Variants in DLGAP2 observed in about 807,000 individuals in gnomAD.
The protein encoded by DLGAP2 is disks large-associated protein 2.
Under a neutral mutation model 100.3 loss-of-function variants are expected in DLGAP2, and 26 were observed. The observed-to-expected ratio is 0.26, with a 90% CI of 0.19 to 0.36. The LOEUF (loss-of-function observed/expected upper bound fraction) is 0.36. Ranked by LOEUF, DLGAP2 falls within the 10% of genes least tolerant of loss-of-function variation. DLGAP2 has a pLI of 1.00. For missense variants in DLGAP2, 1,858 were observed against 1,453.2 expected (o/e 1.28, Z -4.53); for synonymous variants, 886 against 630.1 (o/e 1.41, Z -6.08).
chr8:983,663 G>A (rs1800406193), intron 2 of DLGAP2, among the ~76,000 whole-genome samples: 1 of 152,134 alleles, frequency 6.6e-6, no homozygotes, highest in Non-Finnish European at 1.5e-5. Flanking sequence ...AAGTTTTTGG[G>A]ATAGGACCTT....
chr8:772,197 A>G (rs1821381544), intron 1 of DLGAP2, among the ~76,000 whole-genome samples: 1 of 151,842 alleles, frequency 6.6e-6, no homozygotes, highest in Non-Finnish European at 1.5e-5. Flanking sequence ...CACTGTGCCC[A>G]GCCTCATCTG....
At chr8:1,369,833 C>T (rs1316822829) in intron 3 of DLGAP2, 1 of 152,252 alleles carries the variant, frequency 6.6e-6, no homozygotes, top group Non-Finnish European at 1.5e-5. Flanking sequence ...CACGGATCCA[C>T]AGTAGAGACT....
chr8:1,690,651 C>T (rs1323038669), intron 12 of DLGAP2, among the ~76,000 whole-genome samples: 2 of 137,742 alleles, frequency 1.5e-5, no homozygotes, highest in African/African-American at 5.5e-5. Flanking sequence ...TTGCAGTGAG[C>T]CAGGATTGCG....
rs576447556 is a variant in DLGAP2, at chr8:1,234,547, C to G, written c.74-24304C>G. ...CAGCAACAATGACCCTATTTCTAAA[C>G]TAAGGTCACATTCTGAGGTCCTGCA... On this transcript the variant is annotated intron_variant, in intron 2 of 14. Transcript: ENST00000637795. Among the ~76,000 whole-genome samples the G allele has an allele frequency of 3.9e-5, 6 of 152,292 alleles. No individual in the cohort carries two copies. The South Asian group carries it at 8.3e-4, about 21-fold the overall frequency.
Position 1,701,407 on chromosome 8 carries a change from G to C in DLGAP2, c.*1G>C, listed in dbSNP as rs1165132043. The C allele has an allele frequency of 1.9e-6, 3 of 1,583,476 alleles. No homozygotes were observed. Among genetic ancestry groups the C allele is most frequent in the East Asian group, 2.3e-5 (1 of 43,274 alleles). On this transcript the variant is annotated 3_prime_UTR_variant, in exon 15 of 15. Coordinates refer to ENST00000637795, the MANE Select transcript of DLGAP2 (RefSeq NM_001346810.2). Reference sequence around the variant, plus strand: ...CCCCGAGGCCCAGACCCGGCTCTGAGGGCGGAGGCCGGCGCCTTCCCCTCG... The same window carrying C: ...CCCCGAGGCCCAGACCCGGCTCTGACGGCGGAGGCCGGCGCCTTCCCCTCG...
At chr8:1,067,528 G>A (rs1334138746) in intron 2 of DLGAP2, among the ~76,000 whole-genome samples, 3 of 152,062 alleles carry the variant, frequency 2.0e-5, no homozygotes, top group East Asian at 2.0e-4. Context: ...GGCTATGCCC[G>A]GCCCACGCAC....
At chr8:899,063 A>G (rs957901337) in intron 1 of DLGAP2, among the ~76,000 whole-genome samples, 4 of 152,236 alleles carry the variant, frequency 2.6e-5, no homozygotes, top group African/African-American at 9.6e-5. Context: ...ACTCATAGAT[A>G]ACAACCGTTG....
At chr8:847,235 A>T (rs552415107) in intron 1 of DLGAP2, among the ~76,000 whole-genome samples, 1 of 152,190 alleles carries the variant, frequency 6.6e-6, no homozygotes, top group East Asian at 1.9e-4. Flanking sequence ...GAACTTTTCC[A>T]TATTATCTTA....
chr8:1,681,479 TAATA>T (rs1798944168), intron 12 of DLGAP2, among the ~76,000 whole-genome samples: 1 of 151,244 alleles, frequency 6.6e-6, no homozygotes, highest in African/African-American at 2.4e-5. Context: ...CCAAAAAAAA[TAATA>T]ATAATAATAA....
At chr8:1,382,601 G>C (rs1796123057) in intron 3 of DLGAP2, among the ~76,000 whole-genome samples, 2 of 152,160 alleles carry the variant, frequency 1.3e-5, no homozygotes, top group Admixed American at 1.3e-4. Flanking sequence ...AAAATTAGCA[G>C]TGCAGTGGTG....
chr8:1,069,109 C>T lies in DLGAP2; in HGVS notation c.73+161143C>T, dbSNP rs184877512. On this transcript the variant is annotated intron_variant, in intron 2 of 14. Transcript: ENST00000637795. Reference sequence around the variant, plus strand: ...AGACACACATTTATTGCAGCTGACGCGGCAGCAGCATTCTTTGTTGCTGGA... The same window carrying T: ...AGACACACATTTATTGCAGCTGACGTGGCAGCAGCATTCTTTGTTGCTGGA... Among the ~76,000 whole-genome samples the T allele has an allele frequency of 8.9e-4, 136 of 152,326 alleles. 1 individual carries two copies. The highest frequency in any genetic ancestry group is 3.1e-3 in the African/African-American group (130 of 41,566).
At chr8:976,992 A>G (rs1045315803) in intron 2 of DLGAP2, among the ~76,000 whole-genome samples, 1 of 152,240 alleles carries the variant, frequency 6.6e-6, no homozygotes, top group Non-Finnish European at 1.5e-5. Flanking sequence ...AGAGAATGAA[A>G]TGACAAGCTA....
intron 2 of DLGAP2, among the ~76,000 whole-genome samples, chr8:1,054,251 T>TACACACACGCACACACACGG (rs1255231733): frequency 1.4e-4 from 21 of 151,660 alleles, no homozygotes; most frequent in African/African-American, 3.6e-4. Flanking sequence ...TACACACACG[T>TACACACACGCACACACACGG]ACACACACGC....
chr8:1,443,519 C>G (rs1797897730), intron 3 of DLGAP2, among the ~76,000 whole-genome samples: 3 of 152,292 alleles, frequency 2.0e-5, no homozygotes, highest in East Asian at 1.9e-4. Flanking sequence ...TTCGTCTGTT[C>G]TCACCCTGCT....
chr8:1,484,831 C>T (rs915480041), intron 3 of DLGAP2, among the ~76,000 whole-genome samples: 2 of 152,142 alleles, frequency 1.3e-5, no homozygotes, highest in South Asian at 2.1e-4. Context: ...CCTGAGTCAT[C>T]GGCTGTATCA....
intron 1 of DLGAP2, among the ~76,000 whole-genome samples, chr8:900,198 A>G (rs1003213540): frequency 8.9e-5 from 13 of 145,304 alleles, no homozygotes; most frequent in African/African-American, 3.4e-4. Flanking sequence ...CCTCCTCTTC[A>G]CGGGGTCGCT....
intron 5 of DLGAP2, among the ~76,000 whole-genome samples, chr8:1,556,367 C>T (rs890868133): frequency 6.6e-6 from 1 of 151,814 alleles, no homozygotes; most frequent in African/African-American, 2.4e-5. Flanking sequence ...AGGGTCTGCT[C>T]CTGCAGGAGT....
At chr8:1,309,447 A>T (rs1361247121) in intron 3 of DLGAP2, among the ~76,000 whole-genome samples, 1 of 152,186 alleles carries the variant, frequency 6.6e-6, no homozygotes, top group Non-Finnish European at 1.5e-5. Flanking sequence ...ACAAAAGAGA[A>T]TGGGATGATA....
chr8:802,431 A>G (rs1385778734), intron 1 of DLGAP2, among the ~76,000 whole-genome samples: 2 of 152,120 alleles, frequency 1.3e-5, no homozygotes, highest in Admixed American at 1.3e-4. Flanking sequence ...CAGCATCTCC[A>G]CCCTGGGGTG....
Sources: allele counts gnomAD v4.1 joint callset (sites outside exome capture counted in the v4.1 genomes callset), GRCh38; gene constraint gnomAD v4.1.1; transcripts MANE v1.5; gene names NCBI Gene and HGNC (gene_info 2026-07-23, HGNC 2026-07-21).